LCORL: variants seen among roughly 807,000 people sequenced by gnomAD.
LCORL encodes ligand dependent nuclear receptor corepressor like.
LCORL carries 41 observed loss-of-function variants against 141.8 expected under a neutral mutation model. That is an observed-to-expected ratio of 0.29 (90% CI 0.23 to 0.38). The LOEUF is 0.38. LCORL is among the 10% of genes least tolerant of loss of function. LCORL has a pLI of 1.00. For synonymous variants in LCORL, 618 were observed against 694.1 expected, an observed-to-expected ratio of 0.89 and a Z score of 1.72; for missense variants, 1,759 against 2,035.0, an observed-to-expected ratio of 0.86 and a Z score of 2.61.
intron 5 of LCORL, among the ~76,000 whole-genome samples, chr4:17,899,647 C>CATAATA (rs1395922301): frequency 2.6e-5 from 4 of 151,874 alleles, no homozygotes; most frequent in Non-Finnish European, 5.9e-5. Flanking sequence ...GCATAAGAAC[C>CATAATA]CAATTTTGGC....
exon 8 of LCORL, chr4:17,842,341 G>A (rs761385706): frequency 6.2e-6 from 10 of 1,612,034 alleles, no homozygotes; most frequent in East Asian, 2.2e-5. Flanking sequence ...CAGCTAGGAC[G>A]AACAGGAGGT....
intron 4 of LCORL, among the ~76,000 whole-genome samples, chr4:17,921,698 T>C (rs1477414548): frequency 6.6e-6 from 1 of 152,128 alleles, no homozygotes; most frequent in East Asian, 1.9e-4. Flanking sequence ...ATGCAAAGTA[T>C]TGTTCCTGGT....
chr4:17,917,904 C>T (rs1577414664), intron 4 of LCORL, among the ~76,000 whole-genome samples: 1 of 152,108 alleles, frequency 6.6e-6, no homozygotes, highest in Non-Finnish European at 1.5e-5. Flanking sequence ...CTTTAAATTG[C>T]ACTATCCTTC....
intron 4 of LCORL, chr4:17,911,703 C>T: frequency 4.0e-6 from 2 of 502,274 alleles, no homozygotes; most frequent in Non-Finnish European, 8.0e-6. Flanking sequence ...CCACCTTCTC[C>T]ACCAGCTACT....
chr4:17,955,246 C>G (rs1292709893), intron 4 of LCORL, among the ~76,000 whole-genome samples: 1 of 152,084 alleles, frequency 6.6e-6, no homozygotes, highest in Non-Finnish European at 1.5e-5. Context: ...TCAAACGATG[C>G]TGAAAGGCTA....
chr4:17,929,949 G>A (rs550258203), intron 4 of LCORL, among the ~76,000 whole-genome samples: 7 of 152,252 alleles, frequency 4.6e-5, no homozygotes, highest in East Asian at 3.9e-4. Flanking sequence ...CAAATGATCT[G>A]AACAGACATT....
intron 1 of LCORL, 65 bp from the exon 2 acceptor site, chr4:17,972,950 C>A: frequency 1.4e-6 from 1 of 707,836 alleles, no homozygotes; most frequent in South Asian, 3.1e-5. Context: ...AATTTAAAGT[C>A]ATAAACTCTG....
chr4:17,884,183 G>A lies in LCORL; in HGVS notation c.776+1885C>T, dbSNP rs1260254155. On this transcript the variant is annotated intron_variant, in intron 6 of 7. Coordinates refer to ENST00000635767, the Ensembl canonical transcript of LCORL. The surrounding 1 kb of genome is among the most constrained non-coding windows in gnomAD (Gnocchi z 4.4). ...TATATTTTTCAGTTTTTGGAGAGCTGATCCTTCTAGGACTGAAGAGGTTTT... is the reference window on the plus strand; with the variant it reads ...TATATTTTTCAGTTTTTGGAGAGCTAATCCTTCTAGGACTGAAGAGGTTTT... 6 of 1,550,386 alleles carry A rather than the reference G, an allele frequency of 3.9e-6. No individual in the cohort carries two copies. Among genetic ancestry groups the A allele is most frequent in the East Asian group, 2.4e-5 (1 of 40,884 alleles).
rs138302467 is a variant in LCORL at position 17,862,052 on chromosome 4, C to T, written c.5602+11336G>A. 4.3e-4 allele frequency among the ~76,000 whole-genome samples: 66 copies of T among 152,328 alleles called. 4 individuals are homozygous for T. In the East Asian group the frequency reaches 0.012, roughly 28 times the overall value. ...TCTGAGTGCTCCAAACTGTTCCAAC[C>T]TCTGCCTGTTACCCAGTTCCAAGGT... On this transcript the variant is annotated intron_variant, in intron 7 of 7. Coordinates refer to ENST00000635767, the Ensembl canonical transcript of LCORL.
intron 1 of LCORL, among the ~76,000 whole-genome samples, chr4:17,989,088 T>TA (rs1719531973): frequency 1.3e-5 from 2 of 152,340 alleles, no homozygotes; most frequent in African/African-American, 4.8e-5. Context: ...CCACCAGCTT[T>TA]AATAGTATAT....
At chr4:17,871,295 G>T (rs1461783513) in intron 7 of LCORL, among the ~76,000 whole-genome samples, 2 of 151,796 alleles carry the variant, frequency 1.3e-5, no homozygotes, top group Non-Finnish European at 2.9e-5. Context: ...GTGAAAGATA[G>T]ATAAAACTTT....
intron 4 of LCORL, among the ~76,000 whole-genome samples, chr4:17,915,176 C>G (rs1254171200): frequency 6.6e-6 from 1 of 151,954 alleles, no homozygotes; most frequent in Non-Finnish European, 1.5e-5. Context: ...CTCATCACTC[C>G]AGAGAAAGCC....
intron 1 of LCORL, among the ~76,000 whole-genome samples, chr4:17,993,227 C>G (rs1330579765): frequency 6.6e-6 from 1 of 152,140 alleles, no homozygotes; most frequent in Non-Finnish European, 1.5e-5. Context: ...TTATTTTAGA[C>G]AGACTCTCAC....
At chr4:17,972,252 C>T (rs1716112779) in intron 2 of LCORL, among the ~76,000 whole-genome samples, 2 of 151,760 alleles carry the variant, frequency 1.3e-5, no homozygotes, top group Admixed American at 1.3e-4. Flanking sequence ...TTTTACAACT[C>T]TAGCTCTTCA....
chr4:17,902,828 G>A (rs1165723611), intron 5 of LCORL, among the ~76,000 whole-genome samples: 1 of 151,730 alleles, frequency 6.6e-6, no homozygotes, highest in Non-Finnish European at 1.5e-5. Context: ...TAGAAGTTAT[G>A]GATTCCAAAG....
intron 4 of LCORL, chr4:17,911,853 CG>C: frequency 4.3e-6 from 2 of 460,264 alleles, no homozygotes. Flanking sequence ...GCTTGAGGTC[CG>C]GGGACCTGGC....
At chr4:18,004,694 T>TC (rs1395665794) in intron 1 of LCORL, among the ~76,000 whole-genome samples, 5 of 151,998 alleles carry the variant, frequency 3.3e-5, no homozygotes, top group Admixed American at 3.3e-4. Flanking sequence ...CTCCCAGCAG[T>TC]CCCCCCGCAA....
chr4:17,940,943 G>C (rs1359846216), intron 4 of LCORL, among the ~76,000 whole-genome samples: 2 of 152,160 alleles, frequency 1.3e-5, no homozygotes, highest in African/African-American at 4.8e-5. Context: ...ATTACGAAAT[G>C]TTATATCCAC....
chr4:17,951,366 A>G (rs1468994202), intron 4 of LCORL, among the ~76,000 whole-genome samples: 1 of 152,190 alleles, frequency 6.6e-6, no homozygotes, highest in East Asian at 1.9e-4. Flanking sequence ...ACAATTTTAG[A>G]TTGTTCTTTA....
Sources: gnomAD v4.1 joint callset for allele counts (sites outside exome capture counted in the v4.1 genomes callset) on GRCh38, gnomAD v4.1.1 for gene constraint, Gnocchi (gnomAD v3.1) non-coding constraint, MANE v1.5 for transcripts, NCBI Gene and HGNC (gene_info 2026-07-23, HGNC 2026-07-21) for gene names.